MAEA: variants seen among roughly 807,000 people sequenced by gnomAD.
The protein encoded by MAEA is E3 ubiquitin-protein transferase MAEA.
Under a neutral mutation model 46.2 loss-of-function variants are expected in MAEA, and 22 were observed. The ratio of observed to expected loss-of-function variants is 0.48; its 90% confidence interval spans 0.34 to 0.68. The LOEUF is 0.68. Among genes scored for constraint, MAEA ranks in the 30% least tolerant of loss-of-function variants. The pLI, the probability that MAEA is intolerant of heterozygous loss-of-function variation, is 0.01. For missense variants in MAEA, 393 were observed against 558.1 expected (o/e 0.70, Z 2.98); for synonymous variants, 246 against 222.6 (o/e 1.11, Z -0.94).
intron 6 of MAEA, 129 bp from the exon 7 acceptor site, chr4:1,336,732 C>A (rs1712816496): frequency 1.3e-6 from 1 of 788,606 alleles, no homozygotes; most frequent in Non-Finnish European, 2.0e-6. Context: ...ACCCTTAGTG[C>A]AAAGTGTGTG....
chr4:1,330,320 C>T (rs570370222), intron 5 of MAEA: 1 of 125,372 alleles, frequency 8.0e-6, no homozygotes, highest in South Asian at 2.2e-4. Context: ...TTCTCTCTCT[C>T]TCTCTTTCCG....
chr4:1,334,399 T>C (rs935041195), intron 6 of MAEA, among the ~76,000 whole-genome samples: 8 of 152,024 alleles, frequency 5.3e-5, no homozygotes, highest in African/African-American at 1.9e-4. Flanking sequence ...TGAATTCTCC[T>C]GGTTCTCAGG....
intron 2 of MAEA, among the ~76,000 whole-genome samples, chr4:1,313,116 C>T (rs1736718927): frequency 2.6e-5 from 4 of 152,242 alleles, no homozygotes; most frequent in Admixed American, 1.3e-4. Flanking sequence ...CACAGCATTG[C>T]AGCCTACGTT....
intron 1 of MAEA, among the ~76,000 whole-genome samples, chr4:1,305,965 G>C (rs1560338406): frequency 1.3e-5 from 2 of 152,200 alleles, no homozygotes; most frequent in African/African-American, 2.4e-5. Context: ...CAGGGTTTTA[G>C]TCCAAGTGCA....
chr4:1,310,021 T>A (rs548407188), intron 1 of MAEA: 13 of 1,188,696 alleles, frequency 1.1e-5, no homozygotes, highest in African/African-American at 3.1e-5. Context: ...TGTGGGTTCC[T>A]CCGCGCGAGC....
In MAEA at chr4:1,322,424, A is replaced by C; in HGVS notation, c.500A>C (p.Glu167Ala). 1 of 1,614,080 alleles carries C rather than the reference A, an allele frequency of 6.2e-7. No homozygotes were observed. Among genetic ancestry groups the C allele is most frequent in the Non-Finnish European group, 8.5e-7 (1 of 1,179,996 alleles). ...ATGTTCCTGACGGCCAAAGAGGTGG[A>C]GGAGTCCCTGGAGAGGCGTGAGACG... ...IEMFLTAKEVEESLERRETAT... is the reference protein window; with the variant it reads ...IEMFLTAKEVAESLERRETAT... The change falls in exon 4 of 9, where the codon GAG (glutamate) becomes GCG (alanine). Residue 167 changes from glutamate (E) to alanine (A), a missense_variant. By Grantham distance (107) the Glu-to-Ala change is moderately radical. This residue lies in a region of MAEA where 358 missense variants were observed against 537.9 expected (regional missense o/e 0.67). Transcript: ENST00000303400.
At chr4:1,306,645 C>T (rs551653260) in intron 1 of MAEA, among the ~76,000 whole-genome samples, 2 of 152,290 alleles carry the variant, frequency 1.3e-5, no homozygotes, top group African/African-American at 2.4e-5. Flanking sequence ...GTCCATGGCT[C>T]GTGTTCTTAA....
rs1737017595 is a variant in MAEA at position 1,315,570 on chromosome 4, T to C, written c.426T>C (p.Ala142=). The change falls in exon 3 of 9, where the codon GCT becomes GCC. Residue 142 remains alanine, a synonymous_variant. Transcript: ENST00000303400. Reference sequence around the variant, plus strand: ...TGCGTTGCGGCTACTACAACACGGCTGTCAAGCTGGCGCGCCAGAGCGGCA... The same window carrying C: ...TGCGTTGCGGCTACTACAACACGGCCGTCAAGCTGGCGCGCCAGAGCGGCA... The part of the protein sequence containing the change: ...HLLRCGYYNT[A]VKLARQSGIE... 4 of 1,613,242 alleles carry C rather than the reference T, an allele frequency of 2.5e-6. No individual in the cohort carries two copies. In the African/African-American group the frequency reaches 5.3e-5, roughly 22 times the overall value.
At chr4:1,334,332 C>T (rs914801177) in intron 6 of MAEA, among the ~76,000 whole-genome samples, 1 of 151,774 alleles carries the variant, frequency 6.6e-6, no homozygotes, top group Non-Finnish European at 1.5e-5. Flanking sequence ...GTAGGGACTG[C>T]AAAGCCCTGG....
At chr4:1,335,059 G>A (rs573206924) in intron 6 of MAEA, 67 of 985,334 alleles carry the variant, frequency 6.8e-5, no homozygotes, top group Admixed American at 5.5e-4. Flanking sequence ...GAGACTGAGC[G>A]GCCTTTCTGG....
At position 1,338,549 on chromosome 4, in the gene MAEA, T is replaced by C; in HGVS notation, c.1027T>C (p.Ser343Pro). 1 of 1,613,374 alleles carries C rather than the reference T, an allele frequency of 6.2e-7. No individual in the cohort carries two copies. Among genetic ancestry groups the C allele is most frequent in the Non-Finnish European group, 8.5e-7 (1 of 1,180,004 alleles). Reference sequence around the variant, plus strand: ...CAACTCCCGCCTGGTCTGCAAGATTTCTGGCGACGTGATGAACGAGAACAA... The same window carrying C: ...CAACTCCCGCCTGGTCTGCAAGATTCCTGGCGACGTGATGAACGAGAACAA... ...CANSRLVCKISGDVMNENNPP... is the reference protein window; with the variant it reads ...CANSRLVCKIPGDVMNENNPP... Residue 343 changes from serine to proline, a missense_variant, in exon 8 of 9, where the codon TCT becomes CCT. By Grantham distance (74) the Ser-to-Pro change is moderately conservative. Around this residue, in one of 2 missense-constraint regions of MAEA, gnomAD observed 358 missense variants for 537.9 expected, o/e 0.67. Transcript: ENST00000303400.
At chr4:1,297,699 C>T (rs1184940932) in intron 1 of MAEA, among the ~76,000 whole-genome samples, 1 of 152,208 alleles carries the variant, frequency 6.6e-6, no homozygotes, top group Non-Finnish European at 1.5e-5. Context: ...TCGTCGTTCA[C>T]GTCACACCCA....
At chr4:1,334,308 C>T (rs1358013953) in intron 6 of MAEA, among the ~76,000 whole-genome samples, 1 of 151,984 alleles carries the variant, frequency 6.6e-6, no homozygotes, top group Non-Finnish European at 1.5e-5. Context: ...CCGGCAGCCC[C>T]CACCTGCCAC....
intron 1 of MAEA, chr4:1,309,862 A>AGCACC: frequency 3.8e-6 from 5 of 1,308,434 alleles, no homozygotes; most frequent in Non-Finnish European, 4.9e-6. Flanking sequence ...GAGCAGCGTC[A>AGCACC]GCACCGCGGT....
rs111700625 is a variant in MAEA, at chr4:1,338,354, C to A, written c.900-68C>A. ...GGGCACGCAGCCCAGGGCAGAGTGG[C>A]CACAGGGGGCTGGGCTCACCCCGGC... On this transcript the variant is annotated intron_variant, in intron 7 of 8. Transcript: ENST00000303400. 535 of 1,323,414 alleles carry A rather than the reference C, an allele frequency of 4.0e-4. 1 individual carries two copies. Among genetic ancestry groups the A allele is most frequent in the Admixed American group, 1.8e-3 (96 of 52,312 alleles). The allele number at this position is 1,323,414 out of a possible 1,614,324, so 82.0% of individuals were successfully genotyped here.
At chr4:1,303,232 C>CAAAAAAAAAAAAAAA (rs71168823) in intron 1 of MAEA, among the ~76,000 whole-genome samples, 3 of 65,656 alleles carry the variant, frequency 4.6e-5, no homozygotes, top group African/African-American at 1.2e-4. Context: ...ACTAAAAATA[C>CAAAAAAAAAAAAAAA]AAAAAAAAAA....
chr4:1,320,823 G>A (rs747342024), intron 3 of MAEA, among the ~76,000 whole-genome samples: 6 of 151,936 alleles, frequency 3.9e-5, no homozygotes, highest in Non-Finnish European at 7.4e-5. Flanking sequence ...GCAAGAGGCC[G>A]GGCACGGTGG....
chr4:1,307,157 A>G (rs933241081), intron 1 of MAEA, among the ~76,000 whole-genome samples: 5 of 152,344 alleles, frequency 3.3e-5, no homozygotes, highest in Admixed American at 3.3e-4. Flanking sequence ...ACTGTTATAT[A>G]TGTATACAAT....
At chr4:1,318,003 G>T (rs1737517942) in intron 3 of MAEA, among the ~76,000 whole-genome samples, 2 of 152,200 alleles carry the variant, frequency 1.3e-5, no homozygotes, top group Non-Finnish European at 2.9e-5. Context: ...ATTCTCACCT[G>T]CACCTGCCCA....
Sources: allele counts gnomAD v4.1 joint callset (sites outside exome capture counted in the v4.1 genomes callset), GRCh38; gene constraint gnomAD v4.1.1; regional missense constraint gnomAD v4.1.1; transcripts MANE v1.5; gene names NCBI Gene and HGNC (gene_info 2026-07-23, HGNC 2026-07-21).